Variants in ARL6 observed in about 807,000 individuals in gnomAD.
The protein encoded by ARL6 is ADP-ribosylation factor-like protein 6.
In ARL6, 18 loss-of-function variants were observed where a neutral mutation model predicts 27.1. The observed-to-expected ratio is 0.66, with a 90% confidence interval of 0.46 to 0.98. The LOEUF (loss-of-function observed/expected upper bound fraction) is 0.98. ARL6 is among the 50% of genes least tolerant of loss of function. ARL6 has a pLI of 0.00. For missense variants in ARL6, 187 were observed against 214.9 expected (o/e 0.87, Z 0.81); for synonymous variants, 65 against 72.3 (o/e 0.90, Z 0.51).
At chr3:97,770,012 T>G (rs2036564780) in intron 2 of ARL6, among the ~76,000 whole-genome samples, 1 of 152,164 alleles carries the variant, frequency 6.6e-6, no homozygotes, top group Non-Finnish European at 1.5e-5. Context: ...CAGGTATCTC[T>G]TTGATACATT....
At chr3:97,790,717 T>G in intron 6 of ARL6, among the ~76,000 whole-genome samples, 1 of 152,146 alleles carries the variant, frequency 6.6e-6, no homozygotes, top group South Asian at 2.1e-4. Context: ...CTCATGTTGT[T>G]TGTTTCTTTC....
intron 7 of ARL6, among the ~76,000 whole-genome samples, chr3:97,792,216 G>A (rs938946056): frequency 6.6e-6 from 1 of 152,112 alleles, no homozygotes; most frequent in African/African-American, 2.4e-5. Flanking sequence ...CATGCTGGCC[G>A]GGCACGGTGG....
chr3:97,777,719 T>C (rs924967570), intron 2 of ARL6, among the ~76,000 whole-genome samples: 1 of 152,210 alleles, frequency 6.6e-6, no homozygotes, highest in African/African-American at 2.4e-5. Context: ...CAGAGGGAGA[T>C]TGATATTGTA....
intron 4 of ARL6, among the ~76,000 whole-genome samples, chr3:97,781,479 A>C (rs2037197456): frequency 6.6e-6 from 1 of 152,144 alleles, no homozygotes; most frequent in Admixed American, 6.5e-5. Context: ...GGTCATATGT[A>C]GGCATTGTAT....
chr3:97,765,211 G>GGGGGGTGTGTGTGTGT (rs373304649), intron 1 of ARL6, among the ~76,000 whole-genome samples: 1 of 105,536 alleles, frequency 9.5e-6, no homozygotes, highest in South Asian at 3.4e-4. Flanking sequence ...GTGTATTGGG[G>GGGGGGTGTGTGTGTGT]GTGTGTGTGT....
At chr3:97,790,088 T>TGTGTGTGTGTGC (rs1191785189) in intron 6 of ARL6, among the ~76,000 whole-genome samples, 3 of 151,370 alleles carry the variant, frequency 2.0e-5, no homozygotes, top group African/African-American at 7.3e-5. Flanking sequence ...TGTGTGTGTG[T>TGTGTGTGTGTGC]GTGCATGTTG....
Position 97,788,114 on chromosome 3 carries a change from T to C in ARL6, c.474T>C (p.His158=), listed in dbSNP as rs141305892. ...AGAACATCAAAGATAAACCCTGGCA[T>C]ATTTGGTAAAGTTTTATATTTACTT... is the stretch of plus-strand genomic sequence containing the variant. ...CLENIKDKPW[H]ICASDAIKGE... is the part of the protein sequence containing the mutation. The change falls in exon 6 of 8, where the codon CAT becomes CAC. Residue 158 remains histidine (H), a synonymous_variant. Transcript: ENST00000463745. 1.6e-5 allele frequency: 26 copies of C among 1,612,670 alleles called. No homozygotes were observed. The African/African-American group carries it at 3.1e-4, about 19-fold the overall frequency.
At chr3:97,794,886 T>A (rs1184470733) in intron 7 of ARL6, among the ~76,000 whole-genome samples, 4 of 152,014 alleles carry the variant, frequency 2.6e-5, no homozygotes, top group Non-Finnish European at 5.9e-5. Context: ...AGGAGTTCGA[T>A]ACCAGCCTAG....
chr3:97,790,118 A>G lies in ARL6; in HGVS notation c.480-1653A>G, dbSNP rs1483031604. On this transcript the variant is annotated intron_variant, in intron 6 of 7. Transcript: ENST00000463745. ...ATGTTGTGTGTATGTATACTTGTTT[A>G]CCATCTTGTGGGGGAGACAAATAAT... is the stretch of plus-strand genomic sequence containing the variant. 2.7e-5 allele frequency among the ~76,000 whole-genome samples: 4 copies of G among 149,630 alleles called. No individual in the cohort carries two copies. The Admixed American group carries it at 2.7e-4, about 10-fold the overall frequency.
chr3:97,773,221 A>G (rs1423277762), intron 2 of ARL6, among the ~76,000 whole-genome samples: 1 of 152,228 alleles, frequency 6.6e-6, no homozygotes, highest in Non-Finnish European at 1.5e-5. Flanking sequence ...GGAAGCATCC[A>G]GCATGGGAGA....
chr3:97,768,592 G>A (rs1423343565), intron 2 of ARL6, among the ~76,000 whole-genome samples: 10 of 152,018 alleles, frequency 6.6e-5, no homozygotes, highest in Non-Finnish European at 1.5e-4. Context: ...TGAAAGTATA[G>A]TATGCATATT....
At chr3:97,796,525 G>T (rs1031380342) in intron 7 of ARL6, among the ~76,000 whole-genome samples, 13 of 152,064 alleles carry the variant, frequency 8.5e-5, no homozygotes, top group African/African-American at 2.9e-4. Context: ...TTCAGAAAGA[G>T]AGAACAGAAA....
Position 97,798,148 on chromosome 3 carries a change from A to G in ARL6, c.*99A>G. On this transcript the variant is annotated 3_prime_UTR_variant, in exon 8 of 8. Coordinates refer to ENST00000463745, the MANE Select transcript of ARL6 (RefSeq NM_001278293.3). ...AAAAGATGTTTATGCATCAAAAAAT[A>G]TAATTTTCTGCTTGCATTTATGGAC... The G allele has an allele frequency of 8.0e-7, 1 of 1,252,632 alleles. No homozygotes were observed. Among genetic ancestry groups the G allele is most frequent in the Non-Finnish European group, 1.2e-6 (1 of 859,666 alleles). The allele number at this position is 1,252,632 out of a possible 1,614,324, so 77.6% of individuals were successfully genotyped here.
intron 4 of ARL6, among the ~76,000 whole-genome samples, chr3:97,781,195 A>G (rs1156440080): frequency 6.6e-6 from 1 of 151,934 alleles, no homozygotes; most frequent in Non-Finnish European, 1.5e-5. Context: ...CATATAGGCC[A>G]GTAAATATTA....
rs2037377448 is a variant in ARL6, at chr3:97,784,947, T to A, written c.255-8T>A. 6.2e-7 allele frequency: 1 copy of A among 1,603,392 alleles called. No individual in the cohort carries two copies. The highest frequency in any genetic ancestry group is 1.3e-5 in the African/African-American group (1 of 74,630). On this transcript the variant is annotated splice_polypyrimidine_tract_variant and splice_region_variant and intron_variant, in intron 4 of 7. Transcript: ENST00000463745. ...GCTTTAATTTTTCTTTTTCTTTACATTACACAGAGAAGGCCAAGCTATTAT... is the reference window on the plus strand; with the variant it reads ...GCTTTAATTTTTCTTTTTCTTTACAATACACAGAGAAGGCCAAGCTATTAT...
At chr3:97,768,339 C>G in intron 2 of ARL6, 109 bp downstream of exon 2, 2 of 1,218,380 alleles carry the variant, frequency 1.6e-6, no homozygotes, top group Non-Finnish European at 2.3e-6. Context: ...TTAAGATATT[C>G]TGTTAACCTT....
chr3:97,793,032 T>A (rs1003764355), intron 7 of ARL6, among the ~76,000 whole-genome samples: 23 of 152,310 alleles, frequency 1.5e-4, no homozygotes, highest in African/African-American at 5.5e-4. Context: ...ATGGTAGATC[T>A]AAGAGTAGCC....
At chr3:97,797,508 A>G (rs569503120) in intron 7 of ARL6, among the ~76,000 whole-genome samples, 136 of 152,304 alleles carry the variant, frequency 8.9e-4, no homozygotes, top group South Asian at 1.5e-3. Flanking sequence ...TAGGAGCAGC[A>G]TGGGAGTGTG....
At chr3:97,781,228 AAC>A (rs1247606385) in intron 4 of ARL6, among the ~76,000 whole-genome samples, 1 of 152,176 alleles carries the variant, frequency 6.6e-6, no homozygotes, top group African/African-American at 2.4e-5. Context: ...AGTTAAAAAT[AAC>A]AGTGTTGCCT....
Sources: allele counts gnomAD v4.1 joint callset (sites outside exome capture counted in the v4.1 genomes callset), GRCh38; gene constraint gnomAD v4.1.1; transcripts MANE v1.5; gene names NCBI Gene and HGNC (gene_info 2026-07-23, HGNC 2026-07-21).